Variants in RHCG observed in about 807,000 individuals in gnomAD.
The protein encoded by RHCG is ammonium transporter Rh type C.
A neutral mutation model predicts 55.3 loss-of-function variants in RHCG; 39 were observed. That is an observed-to-expected ratio of 0.70 (90% CI 0.55 to 0.92). The LOEUF is 0.92. RHCG is among the 40% of genes least tolerant of loss of function. The pLI is 0.00. For synonymous variants in RHCG, 250 were observed against 246.8 expected (o/e 1.01, Z -0.12); for missense variants, 635 against 627.9 (o/e 1.01, Z -0.12).
At chr15:89,486,606 G>GTA in intron 2 of RHCG, 193 bp downstream of exon 2, 1 of 508,268 alleles carries the variant, frequency 2.0e-6, no homozygotes, top group Admixed American at 2.3e-5. Flanking sequence ...GAGAGTGTGT[G>GTA]TGTGTGTGTG....
Position 89,496,512 on chromosome 15 carries a change from C to T in RHCG, c.33G>A (p.Leu11=). ...CCTGCAGGAGCAGGCAGGTGAGCGG[C>T]AGCCGCCAGCGGAGGTTGGTGTTCC... MAWNTNLRWR[L]PLTCLLLQVI... The change falls in exon 1 of 11, where the codon CTG becomes CTA. Residue 11 remains leucine, a synonymous_variant. Transcript: ENST00000268122. The T allele has an allele frequency of 6.2e-7, 1 of 1,612,974 alleles. No homozygotes were observed.
intron 1 of RHCG, among the ~76,000 whole-genome samples, chr15:89,491,639 C>A (rs1431312448): frequency 6.6e-6 from 1 of 152,044 alleles, no homozygotes; most frequent in African/African-American, 2.4e-5. Flanking sequence ...AGGTAGTGCA[C>A]GCCTTTAATC....
At chr15:89,485,139 A>G (rs1961336716) in intron 2 of RHCG, among the ~76,000 whole-genome samples, 1 of 152,222 alleles carries the variant, frequency 6.6e-6, no homozygotes. Flanking sequence ...CTTGCTGAAC[A>G]ACTGCTTCAC....
At chr15:89,489,387 G>A (rs1291205753) in intron 1 of RHCG, among the ~76,000 whole-genome samples, 2 of 152,116 alleles carry the variant, frequency 1.3e-5, no homozygotes, top group African/African-American at 2.4e-5. Context: ...GGCTCCCAGA[G>A]TGCTGCGATT....
At position 89,477,672 on chromosome 15, in the gene RHCG, T is replaced by G. The variant is rs1596402841; in HGVS notation, c.976-19A>C. The G allele has an allele frequency of 1.9e-6, 3 of 1,613,540 alleles. No individual in the cohort carries two copies. The highest frequency in any genetic ancestry group is 2.5e-6 in the Non-Finnish European group (3 of 1,179,848). ...GGAATGGCTGGAGACGGGAGGTGGG[T>G]GCTGCTCAGGCCGGGGGCTGCATCA... On this transcript the variant is annotated intron_variant, in intron 6 of 10. Coordinates refer to ENST00000268122, the MANE Select transcript of RHCG (RefSeq NM_016321.3). This position sits in a 1 kb window ranked among gnomAD's most constrained non-coding sequence, Gnocchi z 4.5.
chr15:89,475,322 G>GCC (rs964205317), intron 9 of RHCG, among the ~76,000 whole-genome samples: 1 of 151,536 alleles, frequency 6.6e-6, no homozygotes, highest in Non-Finnish European at 1.5e-5. Flanking sequence ...TGCAACCTCT[G>GCC]CCCCCCCGCC....
In RHCG at chr15:89,486,875, C is replaced by A. The variant is rs769170502; in HGVS notation, c.295G>T (p.Gly99Cys). The change falls in exon 2 of 11, where the codon GGC (glycine) becomes TGC (cysteine). Residue 99 changes from glycine to cysteine, a missense_variant. Coordinates refer to ENST00000268122, the MANE Select transcript of RHCG (RefSeq NM_016321.3). ...TGCATGAGCAGCGCCCACTGGATGC[C>A]GAAGGCTGCCAACAGGAAGTTGAAG... is the stretch of plus-strand genomic sequence containing the variant. ...VGFNFLLAAF[G>C]IQWALLMQGW... 6.2e-7 allele frequency: 1 copy of A among 1,612,534 alleles called. No homozygotes were observed. Among genetic ancestry groups the A allele is most frequent in the Admixed American group, 1.7e-5 (1 of 59,928 alleles).
At chr15:89,491,078 G>A (rs942379778) in intron 1 of RHCG, among the ~76,000 whole-genome samples, 3 of 152,272 alleles carry the variant, frequency 2.0e-5, no homozygotes, top group South Asian at 4.1e-4. Context: ...GTATAGAGGC[G>A]ACATGCTGGC....
rs1207002520 is a variant in RHCG at position 89,486,911 on chromosome 15, TGAAGC to T, written c.254_258del (p.Gly85GlufsTer43). ...AACAGGAAGTTGAAGCCCACGGCGCTGAAGCCGTAGCGCTGCAGGAAAGTCATGAG... is the reference window on the plus strand; with the variant it reads ...AACAGGAAGTTGAAGCCCACGGCGCTCGTAGCGCTGCAGGAAAGTCATGAG... On this transcript the variant is annotated frameshift_variant, in exon 2 of 11. Coordinates refer to ENST00000268122, the MANE Select transcript of RHCG (RefSeq NM_016321.3). LOFTEE classifies it high-confidence loss of function. 1 of 1,612,914 alleles carries T rather than the reference TGAAGC, an allele frequency of 6.2e-7. No homozygotes were observed. Among genetic ancestry groups the T allele is most frequent in the Non-Finnish European group, 8.5e-7 (1 of 1,179,238 alleles).
rs1408926930 is a variant in RHCG, at chr15:89,477,252, A to G, written c.1113-46T>C. The G allele has an allele frequency of 4.1e-5, 66 of 1,606,864 alleles. No homozygotes were observed. Among genetic ancestry groups the G allele is most frequent in the Non-Finnish European group, 5.6e-5 (66 of 1,175,090 alleles). ...AGGTCAGGGCCCCATGGAGAGGCCA[A>G]GTAACAGCTTGCTGCCACCCCAAAA... On this transcript the variant is annotated intron_variant, in intron 7 of 10. Transcript: ENST00000268122. The surrounding 1 kb of genome is among the most constrained non-coding windows in gnomAD (Gnocchi z 4.5).
intron 3 of RHCG, among the ~76,000 whole-genome samples, chr15:89,481,352 A>G (rs1449488986): frequency 6.6e-6 from 1 of 151,938 alleles, no homozygotes; most frequent in African/African-American, 2.4e-5. Context: ...TGGGAGGCCG[A>G]GGCATGAGAA....
At chr15:89,478,341 C>T (rs184443296) in intron 5 of RHCG, among the ~76,000 whole-genome samples, 4 of 152,312 alleles carry the variant, frequency 2.6e-5, no homozygotes, top group East Asian at 3.9e-4. Context: ...TGCAAGTCCA[C>T]GTCAAGTGCC....
rs944823569 is a variant in RHCG, at chr15:89,477,514, TA to T, written c.1112+2del. 2 of 1,613,924 alleles carry T rather than the reference TA, an allele frequency of 1.2e-6. No individual in the cohort carries two copies. The highest frequency in any genetic ancestry group is 2.7e-5 in the African/African-American group (2 of 74,934). On this transcript the variant is annotated splice_donor_variant, in intron 7 of 10. Transcript: ENST00000268122. LOFTEE classifies it high-confidence loss of function. The surrounding 1 kb of genome is among the most constrained non-coding windows in gnomAD (Gnocchi z 4.5). ...CATCCCACCGCACCTCCTCCACATT[TA>T]CCCTTCTTTTCCATAGACTTCAAGG... is the stretch of plus-strand genomic sequence containing the variant.
In RHCG at chr15:89,479,352, A is replaced by G. The variant is rs200659941; in HGVS notation, c.807T>C (p.Ser269=). ...CCAGCTTGCCCTTCTTGTGCAGGGC[A>G]CTGGATATTGCCACCGAGGTAAGCA... The part of the protein sequence containing the change: ...ACVLTSVAIS[S]ALHKKGKLDM... Residue 269 remains serine, a synonymous_variant, in exon 5 of 11, where the codon AGT becomes AGC. Transcript: ENST00000268122. 2.9e-5 allele frequency: 47 copies of G among 1,613,988 alleles called. No homozygotes were observed. Among genetic ancestry groups the G allele is most frequent in the Non-Finnish European group, 3.9e-5 (46 of 1,180,022 alleles).
At chr15:89,478,126 AG>A in intron 5 of RHCG, 152 bp from the exon 6 acceptor site, 1 of 983,380 alleles carries the variant, frequency 1.0e-6, no homozygotes, top group Non-Finnish European at 1.5e-6. Flanking sequence ...AGGAGCCTGC[AG>A]AGGACTTCAG....
chr15:89,479,515 G>T, intron 4 of RHCG, 27 bp from the exon 5 acceptor site: 8 of 1,589,636 alleles, frequency 5.0e-6, no homozygotes, highest in Non-Finnish European at 6.9e-6. Flanking sequence ...GGCCCAATGG[G>T]CCCGGGAGGA....
In RHCG at chr15:89,480,315, G is replaced by T; in HGVS notation, c.616C>A (p.Gln206Lys). ...TRILYRRNLE[Q>K]SKERQNSVYQ... is the part of the protein sequence containing the mutation. ...ACAGAATTCTGTCTCTCCTTGCTCTGCTCTAGGTTGCGTCGGTAGAGGATC... is the reference window on the plus strand; with the variant it reads ...ACAGAATTCTGTCTCTCCTTGCTCTTCTCTAGGTTGCGTCGGTAGAGGATC... The change falls in exon 4 of 11, where the codon CAG (glutamine) becomes AAG (lysine). Residue 206 changes from glutamine to lysine, a missense_variant. Transcript: ENST00000268122. The T allele has an allele frequency of 6.2e-7, 1 of 1,614,166 alleles. No homozygotes were observed. Among genetic ancestry groups the T allele is most frequent in the South Asian group, 1.1e-5 (1 of 91,082 alleles).
In RHCG at chr15:89,487,159, G is replaced by A. The variant is rs569524441; in HGVS notation, c.185-174C>T. 1.1e-4 allele frequency among the ~76,000 whole-genome samples: 17 copies of A among 152,276 alleles called. No individual in the cohort carries two copies. In the South Asian group the frequency reaches 3.5e-3, roughly 32 times the overall value. On this transcript the variant is annotated intron_variant, in intron 1 of 10. Transcript: ENST00000268122. ...CCCCACCCCCACATCTGAACCCTGG[G>A]GCTGGGCAAGGTAACGCTGCGGGCA...
At position 89,488,773 on chromosome 15, in the gene RHCG, T is replaced by TGG. The variant is rs111712825; in HGVS notation, c.185-1790_185-1789dup. Among the ~76,000 whole-genome samples, 178 of 113,846 alleles carry TGG rather than the reference T, an allele frequency of 1.6e-3. 1 individual carries two copies. The highest frequency in any genetic ancestry group is 5.3e-3 in the African/African-American group (157 of 29,808). 74.7% of individuals were successfully genotyped at this position (113,846 alleles called of 152,430 possible). On this transcript the variant is annotated intron_variant, in intron 1 of 10. Transcript: ENST00000268122. ...TCTGTATTTGGTGGGGCTGGGAGAA[T>TGG]GGGGGGGGGGGAGTGCTATAATGGT...
Sources: gnomAD v4.1 joint callset for allele counts (sites outside exome capture counted in the v4.1 genomes callset) on GRCh38, gnomAD v4.1.1 for gene constraint, Gnocchi (gnomAD v3.1) non-coding constraint, MANE v1.5 for transcripts, NCBI Gene and HGNC (gene_info 2026-07-23, HGNC 2026-07-21) for gene names.